BBOX1: variants seen among roughly 807,000 people sequenced by gnomAD.
BBOX1 encodes gamma-butyrobetaine hydroxylase 1.
In BBOX1, 35 loss-of-function variants were observed where a neutral mutation model predicts 41.6. The observed-to-expected ratio is 0.84, with a 90% confidence interval of 0.64 to 1.11. BBOX1 has a LOEUF of 1.11. Ranked by LOEUF, BBOX1 falls within the 50% of genes most tolerant of loss-of-function variation. The probability of loss-of-function intolerance (pLI) is 0.00; values close to 1 mark genes in which losing one functional copy is unlikely to be tolerated. For synonymous variants in BBOX1, 163 were observed against 154.7 expected (o/e 1.05, Z -0.40); for missense variants, 458 against 460.6 (o/e 0.99, Z 0.05).
chr11:27,041,949 G>T (rs1851356971), intron 2 of BBOX1, among the ~76,000 whole-genome samples: 1 of 152,222 alleles, frequency 6.6e-6, no homozygotes. Flanking sequence ...TCTTTGTTAA[G>T]CTCAAAAAGC....
intron 6 of BBOX1, among the ~76,000 whole-genome samples, chr11:27,118,618 T>C (rs1249207627): frequency 6.6e-6 from 1 of 151,954 alleles, no homozygotes; most frequent in Non-Finnish European, 1.5e-5. Context: ...ATGACTCATA[T>C]GAAGTAAAAT....
chr11:27,049,400 C>T (rs1211682998), intron 2 of BBOX1, among the ~76,000 whole-genome samples: 2 of 151,850 alleles, frequency 1.3e-5, no homozygotes, highest in Non-Finnish European at 2.9e-5. Flanking sequence ...ATTTCCTTGC[C>T]TATTTTTAAA....
At chr11:27,110,782 C>A (rs951575495) in intron 5 of BBOX1, among the ~76,000 whole-genome samples, 2 of 151,860 alleles carry the variant, frequency 1.3e-5, no homozygotes, top group Non-Finnish European at 2.9e-5. Flanking sequence ...TGCTGTATCT[C>A]TGATGCTAAA....
chr11:27,045,963 A>C (rs1851474754), intron 2 of BBOX1, among the ~76,000 whole-genome samples: 2 of 152,306 alleles, frequency 1.3e-5, no homozygotes, highest in Admixed American at 6.5e-5. Flanking sequence ...AATTTCTTTT[A>C]TGAGAACTTG....
intron 5 of BBOX1, among the ~76,000 whole-genome samples, chr11:27,107,980 G>A (rs1160930721): frequency 6.6e-6 from 1 of 152,048 alleles, no homozygotes; most frequent in Non-Finnish European, 1.5e-5. Context: ...CCAGACTTGT[G>A]CTATGACCAT....
chr11:27,043,926 T>C (rs987531111), intron 2 of BBOX1, among the ~76,000 whole-genome samples: 29 of 152,186 alleles, frequency 1.9e-4, no homozygotes, highest in Non-Finnish European at 2.9e-5. Flanking sequence ...GTCTTTATAG[T>C]AGAATGATTT....
chr11:27,123,971 A>G (rs1382991018), intron 7 of BBOX1, among the ~76,000 whole-genome samples: 1 of 152,154 alleles, frequency 6.6e-6, no homozygotes. Context: ...AGGTAGTTTT[A>G]AGGCCTTACC....
In BBOX1 at chr11:27,125,687, C is replaced by T. The variant is rs1349108977; in HGVS notation, c.870C>T (p.Asn290=). 1 of 1,597,152 alleles carries T rather than the reference C, an allele frequency of 6.3e-7. No homozygotes were observed. Among genetic ancestry groups the T allele is most frequent in the South Asian group, 1.1e-5 (1 of 88,492 alleles). Residue 290 remains asparagine, a synonymous_variant, in exon 8 of 9, where the codon AAC becomes AAT. Coordinates refer to ENST00000263182, the MANE Select transcript of BBOX1 (RefSeq NM_003986.3). ...ATAAAGGCCAAGTGGTTCGCATCAA[C>T]TTCAATAACGCAACTAGGGACACAA... ...LDDKGQVVRI[N]FNNATRDTIF...
intron 4 of BBOX1, among the ~76,000 whole-genome samples, chr11:27,081,061 G>A (rs1857817619): frequency 6.6e-6 from 1 of 152,128 alleles, no homozygotes; most frequent in Non-Finnish European, 1.5e-5. Flanking sequence ...GGAAATGTTG[G>A]AACTAGGATT....
intron 5 of BBOX1, among the ~76,000 whole-genome samples, chr11:27,096,273 C>T (rs1225687689): frequency 1.3e-5 from 2 of 152,014 alleles, no homozygotes; most frequent in African/African-American, 4.8e-5. Context: ...CTGCCTTAAA[C>T]AATGTCCCTC....
At chr11:27,094,228 C>T (rs1858353631) in intron 5 of BBOX1, among the ~76,000 whole-genome samples, 2 of 151,928 alleles carry the variant, frequency 1.3e-5, no homozygotes, top group Non-Finnish European at 2.9e-5. Context: ...GATGGTTAAA[C>T]ACTAACAACA....
chr11:27,095,667 T>C (rs1858412561), intron 5 of BBOX1, among the ~76,000 whole-genome samples: 1 of 152,032 alleles, frequency 6.6e-6, no homozygotes, highest in African/African-American at 2.4e-5. Flanking sequence ...GTTATCAAGA[T>C]CTCTCTACAT....
intron 7 of BBOX1, among the ~76,000 whole-genome samples, chr11:27,122,736 G>A (rs1564992806): frequency 2.0e-5 from 3 of 151,704 alleles, no homozygotes; most frequent in Admixed American, 2.0e-4. Context: ...TCACTAATGA[G>A]GAGTATTCAC....
At chr11:27,047,683 A>G (rs1029076691) in intron 2 of BBOX1, among the ~76,000 whole-genome samples, 1 of 152,150 alleles carries the variant, frequency 6.6e-6, no homozygotes, top group Admixed American at 6.6e-5. Context: ...TATTCCTACA[A>G]GAACCTAAGA....
rs1437578369 is a variant in BBOX1 at position 27,102,246 on chromosome 11, A to G, written c.533+8880A>G. On this transcript the variant is annotated intron_variant, in intron 5 of 8. Transcript: ENST00000263182. ...CCAGGAAAGAAAGGAAGTGAATACC[A>G]TAAAATTTAGGAAAGCTGTTACATT... is the stretch of plus-strand genomic sequence containing the variant. Among the ~76,000 whole-genome samples the G allele has an allele frequency of 3.9e-5, 6 of 152,272 alleles. No individual in the cohort carries two copies. In the East Asian group the frequency reaches 1.2e-3, roughly 29 times the overall value.
intron 4 of BBOX1, among the ~76,000 whole-genome samples, chr11:27,069,940 C>T (rs1316388273): frequency 6.6e-6 from 1 of 152,086 alleles, no homozygotes; most frequent in Non-Finnish European, 1.5e-5. Context: ...ACATCTGCAT[C>T]ACAGAGGTTT....
At chr11:27,099,952 G>A (rs1337424479) in intron 5 of BBOX1, among the ~76,000 whole-genome samples, 7 of 152,104 alleles carry the variant, frequency 4.6e-5, no homozygotes, top group Non-Finnish European at 1.0e-4. Flanking sequence ...TGTCTAGTGA[G>A]TTGTTGATCT....
chr11:27,121,917 C>T (rs770834728), intron 7 of BBOX1, among the ~76,000 whole-genome samples: 3 of 152,092 alleles, frequency 2.0e-5, no homozygotes, highest in South Asian at 4.1e-4. Flanking sequence ...CATGACTTGG[C>T]TTTGATATTT....
intron 4 of BBOX1, among the ~76,000 whole-genome samples, chr11:27,057,619 A>G (rs540043824): frequency 2.6e-5 from 4 of 152,202 alleles, no homozygotes; most frequent in Non-Finnish European, 5.9e-5. Flanking sequence ...GTTCACTACA[A>G]AGAAGCAGGA....
Sources: gnomAD v4.1 joint callset for allele counts (sites outside exome capture counted in the v4.1 genomes callset) on GRCh38, gnomAD v4.1.1 for gene constraint, MANE v1.5 for transcripts, NCBI Gene and HGNC (gene_info 2026-07-23, HGNC 2026-07-21) for gene names.